AKAP10: variants seen among roughly 807,000 people sequenced by gnomAD.
AKAP10 encodes A-kinase anchor protein 10, mitochondrial.
In AKAP10, 24 loss-of-function variants were observed where a neutral mutation model predicts 80.8. The observed-to-expected ratio is 0.30, with a 90% CI of 0.22 to 0.42. The LOEUF (loss-of-function observed/expected upper bound fraction) is 0.42, where lower values mean the gene tolerates loss of function less well. Among genes scored for constraint, AKAP10 ranks in the 10% least tolerant of loss-of-function variants. The pLI, the probability that AKAP10 is intolerant of heterozygous loss-of-function variation, is 1.00. For synonymous variants in AKAP10, 291 were observed against 277.7 expected, an observed-to-expected ratio of 1.05 and a Z score of -0.48; for missense variants, 661 against 794.9, an observed-to-expected ratio of 0.83 and a Z score of 2.03.
intron 1 of AKAP10, among the ~76,000 whole-genome samples, chr17:19,971,237 G>A (rs890482854): frequency 1.4e-4 from 21 of 151,708 alleles, no homozygotes; most frequent in African/African-American, 3.4e-4. Context: ...GGCTGAGCAC[G>A]GTGGCTCACG....
intron 1 of AKAP10, among the ~76,000 whole-genome samples, chr17:19,972,128 G>A (rs142613190): frequency 1.5e-3 from 235 of 152,178 alleles, no homozygotes; most frequent in African/African-American, 5.5e-3. Flanking sequence ...CAAATTATGT[G>A]CATTTTTAAT....
chr17:19,974,670 C>G (rs2043543172), intron 1 of AKAP10, among the ~76,000 whole-genome samples: 1 of 151,808 alleles, frequency 6.6e-6, no homozygotes, highest in Admixed American at 6.6e-5. Context: ...AGCTTCTACT[C>G]TTACCACATC....
At chr17:19,918,340 G>C (rs1282039201) in intron 12 of AKAP10, among the ~76,000 whole-genome samples, 4 of 151,886 alleles carry the variant, frequency 2.6e-5, no homozygotes, top group Non-Finnish European at 5.9e-5. Flanking sequence ...AGGAGTTTGA[G>C]ACCAGACCAG....
chr17:19,911,990 C>T (rs1430715880), intron 12 of AKAP10, among the ~76,000 whole-genome samples: 2 of 152,068 alleles, frequency 1.3e-5, no homozygotes, highest in Non-Finnish European at 2.9e-5. Flanking sequence ...AAGGGATTGC[C>T]ACTACATTGG....
At chr17:19,907,906 C>G (rs955239462) in intron 14 of AKAP10, among the ~76,000 whole-genome samples, 6 of 151,556 alleles carry the variant, frequency 4.0e-5, no homozygotes, top group Non-Finnish European at 8.8e-5. Flanking sequence ...TCTTTTTGCC[C>G]AGACCAGAGT....
At chr17:19,935,336 A>T (rs886931982) in intron 9 of AKAP10, among the ~76,000 whole-genome samples, 2 of 152,208 alleles carry the variant, frequency 1.3e-5, no homozygotes, top group African/African-American at 4.8e-5. Context: ...CAAGACTGGA[A>T]GTTGCTCTGG....
At chr17:19,908,354 G>A (rs547209705) in intron 14 of AKAP10, among the ~76,000 whole-genome samples, 6 of 152,184 alleles carry the variant, frequency 3.9e-5, no homozygotes, top group Non-Finnish European at 7.3e-5. Context: ...CATAACCTCT[G>A]TGAAGACACT....
chr17:19,936,567 C>A lies in AKAP10; in HGVS notation c.1323-137G>T, dbSNP rs550379659. 3.8e-5 allele frequency: 32 copies of A among 835,074 alleles called. No homozygotes were observed. The Admixed American group carries it at 9.5e-4, about 25-fold the overall frequency. The allele number at this position is 835,074 out of a possible 1,614,324, so 51.7% of individuals were successfully genotyped here. ...CTAGAACTATAGAGCTATGTGATGACAGTGCTGATGTAACCTTTCTTTGTT... is the reference window on the plus strand; with the variant it reads ...CTAGAACTATAGAGCTATGTGATGAAAGTGCTGATGTAACCTTTCTTTGTT... On this transcript the variant is annotated intron_variant, in intron 8 of 14. Transcript: ENST00000225737.
At chr17:19,935,196 C>T (rs947247887) in intron 9 of AKAP10, among the ~76,000 whole-genome samples, 2 of 152,060 alleles carry the variant, frequency 1.3e-5, no homozygotes, top group African/African-American at 4.8e-5. Context: ...TAATGAATAT[C>T]GTAGGCCACT....
At chr17:19,938,995 GTGT>G (rs2043024340) in intron 8 of AKAP10, among the ~76,000 whole-genome samples, 1 of 152,132 alleles carries the variant, frequency 6.6e-6, no homozygotes, top group Admixed American at 6.6e-5. Context: ...GCCTCTCAAA[GTGT>G]TGTGATTACA....
At chr17:19,945,334 C>T (rs375735196) in intron 5 of AKAP10, among the ~76,000 whole-genome samples, 15 of 151,146 alleles carry the variant, frequency 9.9e-5, no homozygotes, top group African/African-American at 3.6e-4. Context: ...AGACTCCCCT[C>T]AAAAAAAAAT....
chr17:19,976,954 T>C (rs1440668347), intron 1 of AKAP10, among the ~76,000 whole-genome samples: 4 of 152,208 alleles, frequency 2.6e-5, no homozygotes, highest in Admixed American at 2.0e-4. Flanking sequence ...AATTAAGCTG[T>C]TTCTACGTAA....
At chr17:19,930,525 G>A (rs551949048) in intron 10 of AKAP10, among the ~76,000 whole-genome samples, 77 of 152,028 alleles carry the variant, frequency 5.1e-4, no homozygotes, top group Non-Finnish European at 9.6e-4. Flanking sequence ...GTTCACGCCT[G>A]TAATCCCAGC....
chr17:19,972,292 T>C (rs1359708710), intron 1 of AKAP10, among the ~76,000 whole-genome samples: 1 of 152,170 alleles, frequency 6.6e-6, no homozygotes, highest in Non-Finnish European at 1.5e-5. Flanking sequence ...TCCTTTCATG[T>C]TTATTGGTCA....
intron 10 of AKAP10, among the ~76,000 whole-genome samples, chr17:19,928,752 C>T (rs2042901637): frequency 6.6e-6 from 1 of 152,070 alleles, no homozygotes; most frequent in Admixed American, 6.6e-5. Flanking sequence ...TGCCTATAGT[C>T]CCAGATACTC....
At chr17:19,914,053 G>A (rs1009745586) in intron 12 of AKAP10, among the ~76,000 whole-genome samples, 1 of 152,200 alleles carries the variant, frequency 6.6e-6, no homozygotes, top group Non-Finnish European at 1.5e-5. Flanking sequence ...AGGCTAGAGT[G>A]CAGTGGCACA....
chr17:19,931,098 C>T (rs1180710628), intron 10 of AKAP10, among the ~76,000 whole-genome samples: 1 of 151,794 alleles, frequency 6.6e-6, no homozygotes, highest in South Asian at 2.1e-4. Context: ...TATTTGAGCC[C>T]AGAATTTCCA....
intron 4 of AKAP10, among the ~76,000 whole-genome samples, chr17:19,951,470 G>A (rs2043213112): frequency 6.6e-6 from 1 of 152,240 alleles, no homozygotes; most frequent in African/African-American, 2.4e-5. Flanking sequence ...GAAATGTGGG[G>A]AAAAGAAAGA....
At chr17:19,946,263 ATATATATATATATTTTTTTTTTTT>A (rs1567765900) in intron 5 of AKAP10, among the ~76,000 whole-genome samples, 1 of 27,214 alleles carries the variant, frequency 3.7e-5, no homozygotes, top group Non-Finnish European at 6.2e-5. Flanking sequence ...ATATATATAT[ATATATATATATATTTTTTTTTTTT>A]TTTTTTTTTT....
Sources: allele counts gnomAD v4.1 joint callset (sites outside exome capture counted in the v4.1 genomes callset), GRCh38; gene constraint gnomAD v4.1.1; transcripts MANE v1.5; gene names NCBI Gene and HGNC (gene_info 2026-07-23, HGNC 2026-07-21).